The following DNASE1L3 variants were observed in gnomAD, a reference collection of about 807,000 sequenced individuals.
DNASE1L3 encodes deoxyribonuclease gamma.
Under a neutral mutation model 30.9 loss-of-function variants are expected in DNASE1L3, and 27 were observed. The observed-to-expected ratio is 0.87, with a 90% CI of 0.64 to 1.20. DNASE1L3 has a LOEUF of 1.20. Ranked by LOEUF, DNASE1L3 falls within the 50% of genes most tolerant of loss-of-function variation. DNASE1L3 has a pLI of 0.00. For synonymous variants in DNASE1L3, 135 were observed against 138.0 expected (o/e 0.98, Z 0.15); for missense variants, 364 against 378.2 (o/e 0.96, Z 0.31).
chr3:58,203,132 A>G (rs893640058), intron 4 of DNASE1L3, among the ~76,000 whole-genome samples: 13 of 152,052 alleles, frequency 8.5e-5, no homozygotes, highest in African/African-American at 2.9e-4. Flanking sequence ...TCTTACCTCA[A>G]CAGACACGGG....
At chr3:58,205,700 A>G (rs940087954) in intron 2 of DNASE1L3, 140 bp from the exon 3 acceptor site, 48 of 677,944 alleles carry the variant, frequency 7.1e-5, no homozygotes, top group Middle Eastern at 4.8e-4. Flanking sequence ...TTTGAGTCCA[A>G]TGAGAGGAGC....
intron 6 of DNASE1L3, among the ~76,000 whole-genome samples, chr3:58,195,661 C>G (rs908860668): frequency 2.1e-5 from 3 of 144,108 alleles, no homozygotes; most frequent in African/African-American, 7.8e-5. Flanking sequence ...TTGTGTATGC[C>G]TGTAATCCCA....
Position 58,195,609 on chromosome 3 carries a change from ATTAC to A in DNASE1L3, c.705-2174_705-2171del, listed in dbSNP as rs2097396722. ...ATGGCGAAACCCCATCTCTACTAAA[ATTAC>A]AAAAAAAAAAAAAAAAAAAAAAAAA... is the stretch of plus-strand genomic sequence containing the variant. On this transcript the variant is annotated intron_variant, in intron 6 of 7. Coordinates refer to ENST00000394549, the MANE Select transcript of DNASE1L3 (RefSeq NM_004944.4). 3.8e-5 allele frequency among the ~76,000 whole-genome samples: 5 copies of A among 131,672 alleles called. No homozygotes were observed. In the South Asian group the frequency reaches 1.2e-3, roughly 32 times the overall value. The allele number at this position is 131,672 out of a possible 152,430, so 86.4% of individuals were successfully genotyped here.
chr3:58,205,003 G>A lies in DNASE1L3; in HGVS notation c.321-122C>T, dbSNP rs914494519. The A allele has an allele frequency of 3.6e-5, 30 of 843,670 alleles. 1 individual carries two copies. Among genetic ancestry groups the A allele is most frequent in the African/African-American group, 2.4e-4 (14 of 58,616 alleles). The allele number at this position is 843,670 out of a possible 1,614,324, so 52.3% of individuals were successfully genotyped here. A position where few individuals can be genotyped will look rare whatever the true frequency, so the allele number is the denominator to read the frequency against. ...CCAGAGCAGGCTCAAGCACAGGATC[G>A]TTTTCCTGAGAACAAGGCTAAGTCA... is the stretch of plus-strand genomic sequence containing the variant. On this transcript the variant is annotated intron_variant, in intron 3 of 7. Coordinates refer to ENST00000394549, the MANE Select transcript of DNASE1L3 (RefSeq NM_004944.4).
intron 6 of DNASE1L3, among the ~76,000 whole-genome samples, chr3:58,196,660 T>C (rs916742383): frequency 3.8e-4 from 57 of 151,246 alleles, no homozygotes; most frequent in Non-Finnish European, 6.9e-4. Context: ...GGCTGAGCTC[T>C]GGGAACTGTG....
intron 1 of DNASE1L3, among the ~76,000 whole-genome samples, chr3:58,209,705 C>T (rs964256296): frequency 6.6e-6 from 1 of 152,186 alleles, no homozygotes; most frequent in African/African-American, 2.4e-5. Flanking sequence ...TTCTCTTCAC[C>T]AGCCAGTGCT....
chr3:58,197,112 CTTGCCG>C lies in DNASE1L3; in HGVS notation c.704+703_704+708del, dbSNP rs2097397913. Among the ~76,000 whole-genome samples, 1 of 152,196 alleles carries C rather than the reference CTTGCCG, an allele frequency of 6.6e-6. No individual in the cohort carries two copies. The highest frequency in any genetic ancestry group is 2.1e-4 in the South Asian group (1 of 4,830). ...GATCAGCCCATGAATGTAATGAGCA[CTTGCCG>C]TATGCCAGGCATTGTGCTAGCAGCC... is the stretch of plus-strand genomic sequence containing the variant. On this transcript the variant is annotated intron_variant, in intron 6 of 7. Coordinates refer to ENST00000394549, the MANE Select transcript of DNASE1L3 (RefSeq NM_004944.4). This position sits in a 1 kb window ranked among gnomAD's most constrained non-coding sequence, Gnocchi z 5.3.
Position 58,204,803 on chromosome 3 carries a change from C to T in DNASE1L3, c.399G>A (p.Glu133=), listed in dbSNP as rs1012715496. The change falls in exon 4 of 8, where the codon GAG becomes GAA. Residue 133 remains glutamate, a synonymous_variant. Coordinates refer to ENST00000394549, the MANE Select transcript of DNASE1L3 (RefSeq NM_004944.4). The part of the protein sequence containing the change: ...QDGDADVFSR[E]PFVVWFQSPH... ...GAGATTGGAACCAGACCACAAAGGGCTCCCTGGAAAACACATCTGCGTCTC... is the reference window on the plus strand; with the variant it reads ...GAGATTGGAACCAGACCACAAAGGGTTCCCTGGAAAACACATCTGCGTCTC... 1.9e-6 allele frequency: 3 copies of T among 1,614,140 alleles called. No individual in the cohort carries two copies. The highest frequency in any genetic ancestry group is 3.3e-5 in the Admixed American group (2 of 60,028).
intron 1 of DNASE1L3, 31 bp downstream of exon 1, chr3:58,210,735 C>T: frequency 1.2e-6 from 2 of 1,613,724 alleles, no homozygotes; most frequent in Non-Finnish European, 8.5e-7. Context: ...TGAGGGGTGT[C>T]TGGGATCCTC....
At chr3:58,205,797 C>A (rs1403479323) in intron 2 of DNASE1L3, among the ~76,000 whole-genome samples, 1 of 152,214 alleles carries the variant, frequency 6.6e-6, no homozygotes, top group African/African-American at 2.4e-5. Context: ...ATCATTACCC[C>A]CTTTCTATGG....
At chr3:58,198,008 G>A (rs372870655) in intron 5 of DNASE1L3, 30 bp from the exon 6 acceptor site, 3 of 1,582,348 alleles carry the variant, frequency 1.9e-6, no homozygotes, top group Non-Finnish European at 2.6e-6. Flanking sequence ...ACTGTCACCT[G>A]GTGGGTGCTG....
chr3:58,197,997 A>G lies in DNASE1L3; in HGVS notation c.547-19T>C, dbSNP rs1461023354. Reference sequence around the variant, plus strand: ...TGAAATTCTAAAAGACAAGATTTGGAACTGTCACCTGGTGGGTGCTGCTGC... The same window carrying G: ...TGAAATTCTAAAAGACAAGATTTGGGACTGTCACCTGGTGGGTGCTGCTGC... On this transcript the variant is annotated intron_variant, in intron 5 of 7. Transcript: ENST00000394549. This position sits in a 1 kb window ranked among gnomAD's most constrained non-coding sequence, Gnocchi z 5.3. The G allele has an allele frequency of 1.3e-6, 2 of 1,594,420 alleles. No individual in the cohort carries two copies. The highest frequency in any genetic ancestry group is 4.5e-5 in the East Asian group (2 of 44,820).
chr3:58,205,616 C>T (rs1211909965), intron 2 of DNASE1L3, 56 bp from the exon 3 acceptor site: 1 of 1,451,462 alleles, frequency 6.9e-7, no homozygotes, highest in Admixed American at 1.7e-5. Flanking sequence ...CCCTACTGTA[C>T]ATGTTCCTTT....
At position 58,199,304 on chromosome 3, in the gene DNASE1L3, T is replaced by C. The variant is rs368109020; in HGVS notation, c.547-1326A>G. Among the ~76,000 whole-genome samples the C allele has an allele frequency of 3.5e-4, 53 of 152,272 alleles. No individual in the cohort carries two copies. The South Asian group carries it at 3.9e-3, about 11-fold the overall frequency. Reference sequence around the variant, plus strand: ...AGGTACAAGAGCCCACTAACTTCTATAGAAACAGGATTGAGAGATTAAGTG... The same window carrying C: ...AGGTACAAGAGCCCACTAACTTCTACAGAAACAGGATTGAGAGATTAAGTG... On this transcript the variant is annotated intron_variant, in intron 5 of 7. Coordinates refer to ENST00000394549, the MANE Select transcript of DNASE1L3 (RefSeq NM_004944.4).
chr3:58,207,512 A>G (rs1305136227), intron 2 of DNASE1L3, among the ~76,000 whole-genome samples: 6 of 137,280 alleles, frequency 4.4e-5, no homozygotes, highest in Non-Finnish European at 9.2e-5. Flanking sequence ...TTTCATCTCT[A>G]TGCACATGGA....
At chr3:58,202,073 CTTCT>C (rs1276834642) in intron 4 of DNASE1L3, among the ~76,000 whole-genome samples, 1 of 150,074 alleles carries the variant, frequency 6.7e-6, no homozygotes, top group Non-Finnish European at 1.5e-5. Flanking sequence ...TTTTATCCCT[CTTCT>C]TTCTTTTTTT....
Position 58,197,785 on chromosome 3 carries a change from T to A in DNASE1L3, c.704+36A>T, listed in dbSNP as rs757709930. Reference sequence around the variant, plus strand: ...GTCTTTCCTAGTGCACACCAAGCACTGTGGTGAGCCAGCAGCACCCTGCAG... The same window carrying A: ...GTCTTTCCTAGTGCACACCAAGCACAGTGGTGAGCCAGCAGCACCCTGCAG... On this transcript the variant is annotated intron_variant, in intron 6 of 7. Coordinates refer to ENST00000394549, the MANE Select transcript of DNASE1L3 (RefSeq NM_004944.4). This position sits in a 1 kb window ranked among gnomAD's most constrained non-coding sequence, Gnocchi z 5.3. 2.5e-6 allele frequency: 4 copies of A among 1,612,550 alleles called. No individual in the cohort carries two copies.
chr3:58,199,857 A>C (rs2097399554), intron 5 of DNASE1L3, among the ~76,000 whole-genome samples: 1 of 152,202 alleles, frequency 6.6e-6, no homozygotes, highest in Non-Finnish European at 1.5e-5. Context: ...ATTTATTAAT[A>C]AGCAATGAAA....
intron 6 of DNASE1L3, among the ~76,000 whole-genome samples, chr3:58,196,065 A>G (rs1457491634): frequency 1.3e-5 from 2 of 152,182 alleles, no homozygotes; most frequent in Non-Finnish European, 2.9e-5. Context: ...GCGCTGGAGA[A>G]GGGACTTGAC....
Sources: gnomAD v4.1 joint callset for allele counts (sites outside exome capture counted in the v4.1 genomes callset) on GRCh38, gnomAD v4.1.1 for gene constraint, Gnocchi (gnomAD v3.1) non-coding constraint, MANE v1.5 for transcripts, NCBI Gene and HGNC (gene_info 2026-07-23, HGNC 2026-07-21) for gene names.